The following KNL1 variants were observed in gnomAD, a reference collection of about 807,000 sequenced individuals.
KNL1 encodes outer kinetochore KNL1 complex subunit KNL1.
KNL1 carries 66 observed loss-of-function variants against 201.3 expected under a neutral mutation model. The observed-to-expected ratio is 0.33, with a 90% CI of 0.27 to 0.40. The LOEUF is 0.40. KNL1 is among the 10% of genes least tolerant of loss of function. The probability of loss-of-function intolerance (pLI) is 1.00; values close to 1 mark genes in which losing one functional copy is unlikely to be tolerated. For synonymous variants in KNL1, 895 were observed against 899.2 expected (o/e 1.00, Z 0.08); for missense variants, 2,815 against 2,690.5 (o/e 1.05, Z -1.02).
intron 1 of KNL1, among the ~76,000 whole-genome samples, chr15:40,601,324 A>C (rs1242817312): frequency 6.6e-6 from 1 of 152,154 alleles, no homozygotes; most frequent in African/African-American, 2.4e-5. Flanking sequence ...TCTTCCCTAA[A>C]ACTGATCCCT....
At chr15:40,631,215 C>T (rs1892903380) in intron 13 of KNL1, among the ~76,000 whole-genome samples, 1 of 152,048 alleles carries the variant, frequency 6.6e-6, no homozygotes, top group Non-Finnish European at 1.5e-5. Context: ...TCTTCCTGGT[C>T]CTTGGAGGAA....
chr15:40,606,313 A>G, intron 3 of KNL1, 80 bp from the exon 4 acceptor site: 1 of 835,346 alleles, frequency 1.2e-6, no homozygotes, highest in African/African-American at 1.7e-5. Context: ...TTAGCTTTCT[A>G]CCTATGATAT....
chr15:40,622,950 G>A lies in KNL1; in HGVS notation c.2686G>A (p.Val896Met), dbSNP rs1892595699. Residue 896 changes from valine to methionine, a missense_variant, in exon 10 of 26, where the codon GTG becomes ATG. Physicochemically the swap from Val to Met is conservative, Grantham distance 21 (BLOSUM62 1). This residue lies in a region of KNL1 where 2,464 missense variants were observed against 2,291.7 expected (regional missense o/e 1.08). Coordinates refer to ENST00000399668, the MANE Select transcript of KNL1 (RefSeq NM_144508.5). The part of the protein sequence containing the change: ...PLLEKRDCHL[V>M]PLAGTSETIL... Reference sequence around the variant, plus strand: ...ATTAGAGAAACGTGATTGTCATTTGGTGCCATTGGCAGGAACTTCTGAAAC... The same window carrying A: ...ATTAGAGAAACGTGATTGTCATTTGATGCCATTGGCAGGAACTTCTGAAAC... The A allele has an allele frequency of 1.2e-6, 2 of 1,613,560 alleles. No individual in the cohort carries two copies. Among genetic ancestry groups the A allele is most frequent in the African/African-American group, 1.3e-5 (1 of 74,878 alleles).
At chr15:40,650,745 A>C (rs1893531292) in intron 19 of KNL1, among the ~76,000 whole-genome samples, 162 bp downstream of exon 19, 1 of 152,188 alleles carries the variant, frequency 6.6e-6, no homozygotes, top group Admixed American at 6.5e-5. Flanking sequence ...CATCTTAGTC[A>C]ACAGTAGTTT....
At chr15:40,642,292 G>T (rs537562131) in intron 14 of KNL1, among the ~76,000 whole-genome samples, 1 of 151,886 alleles carries the variant, frequency 6.6e-6, no homozygotes, top group African/African-American at 2.4e-5. Flanking sequence ...CCAGCTACTC[G>T]GGAGGCTGAG....
chr15:40,657,862 T>TG (rs1893779131), intron 24 of KNL1, among the ~76,000 whole-genome samples: 1 of 152,156 alleles, frequency 6.6e-6, no homozygotes, highest in African/African-American at 2.4e-5. Context: ...TCTGAGGTAT[T>TG]GGGGGTTTGG....
intron 4 of KNL1, among the ~76,000 whole-genome samples, chr15:40,607,490 T>C (rs1040221924): frequency 5.3e-5 from 8 of 152,212 alleles, no homozygotes; most frequent in Non-Finnish European, 7.3e-5. Context: ...ATAAGACTTA[T>C]GGTTAGGTAT....
intron 13 of KNL1, among the ~76,000 whole-genome samples, chr15:40,640,074 T>C (rs925026692): frequency 6.6e-6 from 1 of 151,298 alleles, no homozygotes; most frequent in Non-Finnish European, 1.5e-5. Context: ...TTCTTTTCTT[T>C]TCTTTTTTTT....
At chr15:40,598,174 CAAAAAA>C (rs1181187591) in intron 1 of KNL1, among the ~76,000 whole-genome samples, 5 of 89,486 alleles carry the variant, frequency 5.6e-5, no homozygotes, top group Non-Finnish European at 1.2e-4. Flanking sequence ...AACTCCGTCT[CAAAAAA>C]AAAAAAAGAA....
chr15:40,661,492 GGGGT>G (rs1893907875), intron 25 of KNL1, among the ~76,000 whole-genome samples: 1 of 152,026 alleles, frequency 6.6e-6, no homozygotes, highest in African/African-American at 2.4e-5. Context: ...CAAGACTCTG[GGGGT>G]GGGGAAAAAT....
intron 21 of KNL1, 87 bp downstream of exon 21, chr15:40,652,192 A>T: frequency 1.2e-6 from 1 of 808,260 alleles, no homozygotes; most frequent in South Asian, 1.6e-5. Context: ...TACTATACTG[A>T]TAACTATTGG....
At chr15:40,655,107 GACTA>G in intron 22 of KNL1, 130 bp downstream of exon 22, 1 of 635,722 alleles carries the variant, frequency 1.6e-6, no homozygotes, top group Non-Finnish European at 2.7e-6. Flanking sequence ...AGACCAGCCT[GACTA>G]ACATGGTGAA....
At chr15:40,655,351 T>G (rs1025856525) in intron 22 of KNL1, among the ~76,000 whole-genome samples, 4 of 151,940 alleles carry the variant, frequency 2.6e-5, no homozygotes, top group Non-Finnish European at 5.9e-5. Flanking sequence ...CCCAGCACTT[T>G]GGGAGGCCGA....
chr15:40,621,409 A>G lies in KNL1; in HGVS notation c.1145A>G (p.Lys382Arg). Reference sequence around the variant, plus strand: ...GACCTTTCCATAAACTCTGCAGACAAAATACATATTACCAGAAGTCATATT... The same window carrying G: ...GACCTTTCCATAAACTCTGCAGACAGAATACATATTACCAGAAGTCATATT... ...FQDLSINSAD[K>R]IHITRSHIMG... The change falls in exon 10 of 26, where the codon AAA becomes AGA. Residue 382 changes from lysine (K) to arginine (R), a missense_variant. Physicochemically the swap from Lys to Arg is conservative, Grantham distance 26 (BLOSUM62 2). Around this residue, in one of 3 missense-constraint regions of KNL1, gnomAD observed 2,464 missense variants for 2,291.7 expected, o/e 1.08. Coordinates refer to ENST00000399668, the MANE Select transcript of KNL1 (RefSeq NM_144508.5). The G allele has an allele frequency of 1.2e-6, 2 of 1,613,188 alleles. No homozygotes were observed. Among genetic ancestry groups the G allele is most frequent in the Non-Finnish European group, 1.7e-6 (2 of 1,179,628 alleles).
intron 6 of KNL1, 150 bp downstream of exon 6, chr15:40,610,447 C>T (rs748729382): frequency 4.2e-5 from 25 of 593,562 alleles, no homozygotes; most frequent in Middle Eastern, 4.4e-4. Context: ...CCTGTGATCC[C>T]GACACTTTGG....
chr15:40,611,251 T>G (rs1892150253), intron 6 of KNL1, among the ~76,000 whole-genome samples: 1 of 151,342 alleles, frequency 6.6e-6, no homozygotes, highest in South Asian at 2.1e-4. Context: ...TGGGATTACA[T>G]GTGCACGCCA....
chr15:40,626,700 C>T (rs1030715660), intron 10 of KNL1, among the ~76,000 whole-genome samples: 18 of 151,512 alleles, frequency 1.2e-4, no homozygotes, highest in African/African-American at 4.4e-4. Context: ...GTGTCTCAGC[C>T]TCCCAAGTAG....
intron 1 of KNL1, among the ~76,000 whole-genome samples, chr15:40,598,339 C>G (rs1387393984): frequency 6.6e-6 from 1 of 152,018 alleles, no homozygotes; most frequent in Non-Finnish European, 1.5e-5. Flanking sequence ...GGGAGCAGAG[C>G]TGGAAGGATT....
At position 40,621,841 on chromosome 15, in the gene KNL1, C is replaced by T. The variant is rs1318342015; in HGVS notation, c.1577C>T (p.Thr526Ile). 2 of 1,613,660 alleles carry T rather than the reference C, an allele frequency of 1.2e-6. No homozygotes were observed. Among genetic ancestry groups the T allele is most frequent in the Non-Finnish European group, 8.5e-7 (1 of 1,179,592 alleles). The change falls in exon 10 of 26, where the codon ACA becomes ATA. Residue 526 changes from threonine (T) to isoleucine (I), a missense_variant. By Grantham distance (89) the Thr-to-Ile change is moderately conservative. Around this residue, in one of 3 missense-constraint regions of KNL1, gnomAD observed 2,464 missense variants for 2,291.7 expected, o/e 1.08. Coordinates refer to ENST00000399668, the MANE Select transcript of KNL1 (RefSeq NM_144508.5). The part of the protein sequence containing the change: ...KEMMLQNLMT[T>I]SEDGKMNVNC... ...ATGATGCTCCAAAATCTTATGACCA[C>T]ATCAGAAGATGGGAAAATGAATGTA...
Sources: gnomAD v4.1 joint callset for allele counts (sites outside exome capture counted in the v4.1 genomes callset) on GRCh38, gnomAD v4.1.1 for gene constraint, gnomAD v4.1.1 regional missense constraint, MANE v1.5 for transcripts, NCBI Gene and HGNC (gene_info 2026-07-23, HGNC 2026-07-21) for gene names.